BRSK2: variants seen among roughly 807,000 people sequenced by gnomAD.
BRSK2 encodes the protein serine/threonine-protein kinase BRSK2.
A neutral mutation model predicts 83.3 loss-of-function variants in BRSK2; 19 were observed. The observed-to-expected ratio is 0.23, with a 90% CI of 0.16 to 0.33. The LOEUF (loss-of-function observed/expected upper bound fraction) is 0.33, where lower values mean the gene tolerates loss of function less well. BRSK2 is among the 10% of genes least tolerant of loss of function. The pLI is 1.00. For synonymous variants in BRSK2, 519 were observed against 435.4 expected (o/e 1.19, Z -2.39); for missense variants, 798 against 1,042.3 (o/e 0.77, Z 3.23).
At chr11:1,398,272 C>T (rs1031992817) in intron 1 of BRSK2, among the ~76,000 whole-genome samples, 1 of 152,188 alleles carries the variant, frequency 6.6e-6, no homozygotes, top group Non-Finnish European at 1.5e-5. Context: ...GTCCTCGGCA[C>T]CCTGAATCAG....
chr11:1,442,727 C>A, intron 5 of BRSK2, 121 bp downstream of exon 5: 1 of 783,468 alleles, frequency 1.3e-6, no homozygotes, highest in Non-Finnish European at 2.1e-6. Context: ...GGCAGGCCCC[C>A]CACAATGTGC....
Position 1,460,763 on chromosome 11 carries a change from C to T in BRSK2, c.*40C>T. On this transcript the variant is annotated 3_prime_UTR_variant, in exon 20 of 20. Transcript: ENST00000528841. Reference sequence around the variant, plus strand: ...CCCCCCAGCACAGCACTGACAGCGGCTGCCTCGCCGCCCGCCGCCCGCCCT... The same window carrying T: ...CCCCCCAGCACAGCACTGACAGCGGTTGCCTCGCCGCCCGCCGCCCGCCCT... 1 of 1,290,860 alleles carries T rather than the reference C, an allele frequency of 7.7e-7. No homozygotes were observed. Among genetic ancestry groups the T allele is most frequent in the Non-Finnish European group, 1.0e-6 (1 of 1,002,694 alleles). 80.0% of individuals were successfully genotyped at this position (1,290,860 alleles called of 1,614,324 possible).
At position 1,450,863 on chromosome 11, in the gene BRSK2, G is replaced by GCCCGGCAGTGCCAGAC. The variant is rs1564871919; in HGVS notation, c.1495+71_1495+86dup. On this transcript the variant is annotated intron_variant, in intron 14 of 19. Coordinates refer to ENST00000528841, the MANE Select transcript of BRSK2 (RefSeq NM_001256627.2). Reference sequence around the variant, plus strand: ...CAGAGGCTGCCTTGGGGAGGGCCCCGCCCGGCAGTGCCAGACCAGTCCGAG... The same window carrying GCCCGGCAGTGCCAGAC: ...CAGAGGCTGCCTTGGGGAGGGCCCCGCCCGGCAGTGCCAGACCCCGGCAGTGCCAGACCAGTCCGAG... 18 of 1,410,626 alleles carry GCCCGGCAGTGCCAGAC rather than the reference G, an allele frequency of 1.3e-5. No individual in the cohort carries two copies. In the Admixed American group the frequency reaches 4.9e-4, roughly 38 times the overall value. The allele number at this position is 1,410,626 out of a possible 1,614,324, so 87.4% of individuals were successfully genotyped here. A position where few individuals can be genotyped will look rare whatever the true frequency, so the allele number is the denominator to read the frequency against.
At chr11:1,451,532 C>T (rs1590658161) in intron 15 of BRSK2, 113 bp downstream of exon 15, 10 of 1,111,040 alleles carry the variant, frequency 9.0e-6, no homozygotes, top group Non-Finnish European at 1.4e-5. Context: ...CGTGGCCCCA[C>T]CTCCCACTGC....
chr11:1,414,114 G>T (rs1202794103), intron 1 of BRSK2, among the ~76,000 whole-genome samples: 1 of 152,224 alleles, frequency 6.6e-6, no homozygotes, highest in African/African-American at 2.4e-5. Context: ...CAAACATAAA[G>T]ATATTCAAAT....
At chr11:1,439,950 C>T (rs971467226) in intron 3 of BRSK2, among the ~76,000 whole-genome samples, 3 of 151,904 alleles carry the variant, frequency 2.0e-5, no homozygotes, top group African/African-American at 7.3e-5. Context: ...CCACACTGGG[C>T]CCTTGACTCC....
intron 1 of BRSK2, among the ~76,000 whole-genome samples, chr11:1,428,738 G>C (rs539871769): frequency 6.6e-6 from 1 of 152,228 alleles, no homozygotes; most frequent in Non-Finnish European, 1.5e-5. Context: ...ATGTTTGTAC[G>C]TATGTGTGCA....
chr11:1,433,978 A>C (rs896349703), intron 1 of BRSK2, among the ~76,000 whole-genome samples: 5 of 152,238 alleles, frequency 3.3e-5, no homozygotes, highest in Non-Finnish European at 5.9e-5. Flanking sequence ...ACACAGATGA[A>C]ACTGACGGAA....
intron 1 of BRSK2, among the ~76,000 whole-genome samples, chr11:1,395,309 G>T (rs1168167077): frequency 6.6e-6 from 1 of 152,192 alleles, no homozygotes; most frequent in African/African-American, 2.4e-5. Context: ...ATGGTGGGTA[G>T]CCCTCCCATC....
At chr11:1,413,344 G>C (rs564488892) in intron 1 of BRSK2, among the ~76,000 whole-genome samples, 3 of 152,260 alleles carry the variant, frequency 2.0e-5, no homozygotes, top group African/African-American at 7.2e-5. Flanking sequence ...CCTTGCAGGG[G>C]CCACGGGGAG....
intron 1 of BRSK2, among the ~76,000 whole-genome samples, chr11:1,419,506 T>C (rs1848442354): frequency 6.6e-6 from 1 of 152,254 alleles, no homozygotes; most frequent in African/African-American, 2.4e-5. Flanking sequence ...GTTATTATTT[T>C]TCATGTCTTA....
At chr11:1,402,851 G>C (rs61867620) in intron 1 of BRSK2, among the ~76,000 whole-genome samples, 24,540 of 152,204 alleles carry the variant, frequency 0.16, 2,374 homozygotes, top group Non-Finnish European at 0.2. Context: ...GCTCGGCAGA[G>C]TGAGGGGCTG....
chr11:1,449,656 C>T lies in BRSK2; in HGVS notation c.1227-120C>T, dbSNP rs180840403. On this transcript the variant is annotated intron_variant, in intron 12 of 19. Transcript: ENST00000528841. ...GGGTGTGCAGCAGGACCCAGGGCCT[C>T]GAGGCTCTTGGCCCGGGCTCCAGGC... The T allele has an allele frequency of 1.7e-4, 133 of 800,242 alleles. 1 individual carries two copies. The highest frequency in any genetic ancestry group is 6.5e-4 in the East Asian group (24 of 36,684). The allele number at this position is 800,242 out of a possible 1,614,324, so 49.6% of individuals were successfully genotyped here. A position where few individuals can be genotyped will look rare whatever the true frequency, so the allele number is the denominator to read the frequency against.
intron 1 of BRSK2, among the ~76,000 whole-genome samples, chr11:1,433,959 C>G (rs1264550440): frequency 6.6e-6 from 1 of 152,218 alleles, no homozygotes; most frequent in Non-Finnish European, 1.5e-5. Flanking sequence ...CAGATCCAGG[C>G]GTGACGCCAC....
Position 1,454,517 on chromosome 11 carries a change from T to A in BRSK2, c.1577T>A (p.Ile526Asn). Residue 526 changes from isoleucine (I) to asparagine (N), a missense_variant, in exon 16 of 20, where the codon ATC (isoleucine) becomes AAC (asparagine). This residue lies in a region of BRSK2 where 455 missense variants were observed against 455.2 expected (regional missense o/e 1.00). Transcript: ENST00000528841. The surrounding 1 kb of genome is among the most constrained non-coding windows in gnomAD (Gnocchi z 5.2). The part of the protein sequence containing the change: ...LAKKSWFGNF[I>N]SLEKEEQIFV... ...AAGAAGTCCTGGTTTGGGAACTTCA[T>A]CAGCCTGGAGAAGGAGGAGCAGATC... The A allele has an allele frequency of 6.2e-7, 1 of 1,613,228 alleles. No individual in the cohort carries two copies. Among genetic ancestry groups the A allele is most frequent in the Non-Finnish European group, 8.5e-7 (1 of 1,179,936 alleles).
At position 1,438,518 on chromosome 11, in the gene BRSK2, C is replaced by T; in HGVS notation, c.272+127C>T. 1.2e-6 allele frequency: 1 copy of T among 807,464 alleles called. No individual in the cohort carries two copies. The highest frequency in any genetic ancestry group is 2.6e-5 in the East Asian group (1 of 38,264). 50.0% of individuals were successfully genotyped at this position (807,464 alleles called of 1,614,324 possible). A position where few individuals can be genotyped will look rare whatever the true frequency, so the allele number is the denominator to read the frequency against. ...GGGCGCCTGCTGCATCCCAGCAGCC[C>T]TGGCCCTGCTAGCATGAACACCTGC... On this transcript the variant is annotated intron_variant, in intron 3 of 19. Coordinates refer to ENST00000528841, the MANE Select transcript of BRSK2 (RefSeq NM_001256627.2). The surrounding 1 kb of genome is among the most constrained non-coding windows in gnomAD (Gnocchi z 6.4).
At chr11:1,411,081 CG>C (rs1375753789) in intron 1 of BRSK2, 1 of 1,146,596 alleles carries the variant, frequency 8.7e-7, no homozygotes, top group Non-Finnish European at 1.1e-6. Context: ...GAGGAGGGGG[CG>C]GGCTTTGGAG....
intron 3 of BRSK2, among the ~76,000 whole-genome samples, chr11:1,439,301 G>A (rs1267767845): frequency 6.6e-6 from 1 of 152,160 alleles, no homozygotes; most frequent in Non-Finnish European, 1.5e-5. Flanking sequence ...TGGGGAGCAT[G>A]TGCAGGTGGC....
chr11:1,461,089 C>G lies in BRSK2; in HGVS notation c.*366C>G. 2 of 1,538,174 alleles carry G rather than the reference C, an allele frequency of 1.3e-6. No homozygotes were observed. Among genetic ancestry groups the G allele is most frequent in the South Asian group, 1.2e-5 (1 of 86,868 alleles). The stretch of plus-strand genomic sequence containing the variant: ...GTTGCTGCCGGGCAGTGAGGCCCAG[C>G]CCAGCGCCCCGTCCACCCCGCGGCA... On this transcript the variant is annotated 3_prime_UTR_variant, in exon 20 of 20. Transcript: ENST00000528841.
Sources: gnomAD v4.1 joint callset for allele counts (sites outside exome capture counted in the v4.1 genomes callset) on GRCh38, gnomAD v4.1.1 for gene constraint, gnomAD v4.1.1 regional missense constraint, Gnocchi (gnomAD v3.1) non-coding constraint, MANE v1.5 for transcripts, NCBI Gene and HGNC (gene_info 2026-07-23, HGNC 2026-07-21) for gene names.